Variants in BCAT1 observed in about 807,000 individuals in gnomAD.
The protein encoded by BCAT1 is branched chain amino acid transaminase 1.
In BCAT1, 48 loss-of-function variants were observed where a neutral mutation model predicts 52.4. The ratio of observed to expected loss-of-function variants is 0.92; its 90% CI spans 0.73 to 1.16. The LOEUF (loss-of-function observed/expected upper bound fraction) is 1.16, where lower values mean the gene tolerates loss of function less well. Among genes scored for constraint, BCAT1 ranks in the 50% most tolerant of loss-of-function variants. BCAT1 has a pLI of 0.00. For missense variants in BCAT1, 451 were observed against 457.1 expected, an observed-to-expected ratio of 0.99 and a Z score of 0.12; for synonymous variants, 167 against 161.3, an observed-to-expected ratio of 1.04 and a Z score of -0.27.
At chr12:24,930,194 A>G (rs1943657459) in intron 1 of BCAT1, among the ~76,000 whole-genome samples, 1 of 152,154 alleles carries the variant, frequency 6.6e-6, no homozygotes, top group Non-Finnish European at 1.5e-5. Flanking sequence ...TGTGGAGACC[A>G]CTGCCTTGCA....
intron 1 of BCAT1, among the ~76,000 whole-genome samples, chr12:24,925,793 T>G (rs1290166773): frequency 2.6e-5 from 4 of 152,238 alleles, no homozygotes; most frequent in African/African-American, 9.6e-5. Flanking sequence ...GGTTTCGCTG[T>G]GTTGGCCGGG....
rs756770638 is a variant in BCAT1 at position 24,814,634 on chromosome 12, C to T, written c.*3374G>A. On this transcript the variant is annotated 3_prime_UTR_variant, in exon 11 of 11. Coordinates refer to ENST00000261192, the MANE Select transcript of BCAT1 (RefSeq NM_005504.7). ...TGCTTGGATTTGAGGCAAGCAAGAC[C>T]ACTTGCTTAGGTAAATTTTATGAAG... 2.0e-5 allele frequency: 3 copies of T among 152,006 alleles called. No individual in the cohort carries two copies. Among genetic ancestry groups the T allele is most frequent in the Non-Finnish European group, 4.4e-5 (3 of 67,982 alleles). 9.4% of individuals were successfully genotyped at this position (152,006 alleles called of 1,614,324 possible).
At chr12:24,869,734 G>A (rs1206740951) in intron 5 of BCAT1, among the ~76,000 whole-genome samples, 1 of 152,198 alleles carries the variant, frequency 6.6e-6, no homozygotes. Flanking sequence ...AACCTCCAAC[G>A]TGGTTGACTC....
chr12:24,930,366 T>G (rs1782846272), intron 1 of BCAT1, among the ~76,000 whole-genome samples: 1 of 152,212 alleles, frequency 6.6e-6, no homozygotes, highest in African/African-American at 2.4e-5. Context: ...CTATGACACC[T>G]TTCCTCAGAG....
chr12:24,880,497 A>G (rs985715450), intron 4 of BCAT1, among the ~76,000 whole-genome samples: 2 of 152,200 alleles, frequency 1.3e-5, no homozygotes, highest in African/African-American at 4.8e-5. Context: ...TTTCTGCTCC[A>G]TAAGAAACAT....
chr12:24,856,809 C>T (rs151139616), intron 5 of BCAT1, among the ~76,000 whole-genome samples: 10 of 152,304 alleles, frequency 6.6e-5, no homozygotes, highest in South Asian at 4.1e-4. Flanking sequence ...CAAGCTGGCC[C>T]GCAAACTGGT....
intron 1 of BCAT1, among the ~76,000 whole-genome samples, chr12:24,942,258 A>T (rs991176670): frequency 6.6e-6 from 1 of 152,156 alleles, no homozygotes; most frequent in Admixed American, 6.5e-5. Context: ...AATAAGAAAG[A>T]AGTAAAAGAT....
chr12:24,948,720 G>T (rs906857488), intron 1 of BCAT1, among the ~76,000 whole-genome samples: 6 of 152,188 alleles, frequency 3.9e-5, no homozygotes, highest in Non-Finnish European at 7.4e-5. Context: ...CACGTCCTGC[G>T]AGTGGAGGTT....
At chr12:24,847,619 A>AAG (rs769186790) in intron 6 of BCAT1, among the ~76,000 whole-genome samples, 1 of 152,090 alleles carries the variant, frequency 6.6e-6, no homozygotes, top group Non-Finnish European at 1.5e-5. Context: ...AAAAGAGAGA[A>AAG]AGAGAGAGAG....
chr12:24,884,882 A>G (rs779894469), intron 3 of BCAT1, among the ~76,000 whole-genome samples: 1 of 152,212 alleles, frequency 6.6e-6, no homozygotes, highest in Non-Finnish European at 1.5e-5. Flanking sequence ...TATCTGATAA[A>G]ATCAAACTAA....
intron 1 of BCAT1, among the ~76,000 whole-genome samples, chr12:24,915,141 T>TTTATTTA (rs1943388854): frequency 6.6e-6 from 1 of 152,166 alleles, no homozygotes; most frequent in Non-Finnish European, 1.5e-5. Flanking sequence ...TTTGATATTT[T>TTTATTTA]TTATTTATTA....
chr12:24,928,966 G>T (rs1943638844), intron 1 of BCAT1, among the ~76,000 whole-genome samples: 1 of 151,580 alleles, frequency 6.6e-6, no homozygotes, highest in Non-Finnish European at 1.5e-5. Context: ...TCCCCATATT[G>T]GCCAGGCTGG....
intron 9 of BCAT1, 111 bp from the exon 10 acceptor site, chr12:24,830,008 G>C: frequency 1.4e-6 from 1 of 705,518 alleles, no homozygotes; most frequent in African/African-American, 1.8e-5. Context: ...TGAAGTTAAG[G>C]AATAGCACTA....
At chr12:24,856,338 C>G (rs1433003512) in intron 5 of BCAT1, among the ~76,000 whole-genome samples, 3 of 152,212 alleles carry the variant, frequency 2.0e-5, no homozygotes, top group African/African-American at 7.2e-5. Context: ...TACTGCACTA[C>G]TTCCTCTGCC....
intron 5 of BCAT1, among the ~76,000 whole-genome samples, chr12:24,863,577 G>T (rs1406454143): frequency 6.6e-6 from 1 of 152,142 alleles, no homozygotes; most frequent in African/African-American, 2.4e-5. Flanking sequence ...TTTAAAAAGT[G>T]GTCCAGGATA....
intron 1 of BCAT1, 181 bp from the exon 2 acceptor site, chr12:24,902,066 C>A: frequency 6.6e-7 from 1 of 1,524,138 alleles, no homozygotes; most frequent in Non-Finnish European, 8.8e-7. Flanking sequence ...GTCTTGGGAG[C>A]GCTGCCCTGC....
intron 1 of BCAT1, among the ~76,000 whole-genome samples, chr12:24,925,735 G>C (rs1056635726): frequency 6.6e-6 from 1 of 152,132 alleles, no homozygotes; most frequent in African/African-American, 2.4e-5. Context: ...GATTGCAGGC[G>C]CGCGCCACCA....
chr12:24,915,905 C>T (rs1943400093), intron 1 of BCAT1, among the ~76,000 whole-genome samples: 1 of 152,202 alleles, frequency 6.6e-6, no homozygotes, highest in African/African-American at 2.4e-5. Flanking sequence ...CGCCTGTAAT[C>T]CCAGCACTTT....
At chr12:24,891,404 C>A (rs1028092038) in intron 3 of BCAT1, among the ~76,000 whole-genome samples, 1 of 151,706 alleles carries the variant, frequency 6.6e-6, no homozygotes, top group Non-Finnish European at 1.5e-5. Context: ...CTGACTCTAA[C>A]CCCAGCCACT....
Sources: gnomAD v4.1 joint callset for allele counts (sites outside exome capture counted in the v4.1 genomes callset) on GRCh38, gnomAD v4.1.1 for gene constraint, MANE v1.5 for transcripts, NCBI Gene and HGNC (gene_info 2026-07-23, HGNC 2026-07-21) for gene names.